DESI1: variants seen among roughly 807,000 people sequenced by gnomAD.
DESI1 encodes the protein PPPDE peptidase domain containing 2.
Under a neutral mutation model 22.4 loss-of-function variants are expected in DESI1, and 17 were observed. The observed-to-expected ratio is 0.76, with a 90% CI of 0.52 to 1.14. The LOEUF (loss-of-function observed/expected upper bound fraction) is 1.14. DESI1 is among the 50% of genes most tolerant of loss of function. The pLI, the probability that DESI1 is intolerant of heterozygous loss-of-function variation, is 0.00. For missense variants in DESI1, 177 were observed against 208.9 expected (o/e 0.85, Z 0.94); for synonymous variants, 92 against 84.2 (o/e 1.09, Z -0.51).
At chr22:41,612,644 G>A (rs1330365792) in intron 1 of DESI1, among the ~76,000 whole-genome samples, 1 of 150,764 alleles carries the variant, frequency 6.6e-6, no homozygotes, top group African/African-American at 2.4e-5. Flanking sequence ...TACTCAGGGT[G>A]GAGTGCAGTA....
In DESI1 at chr22:41,599,444, G is replaced by A. The variant is rs939562878; in HGVS notation, c.*1653C>T. On this transcript the variant is annotated 3_prime_UTR_variant, in exon 6 of 6. Coordinates refer to ENST00000263256, the MANE Select transcript of DESI1 (RefSeq NM_015704.3). ...AAAATGCCCACTCATGCCCCAACCT[G>A]CCTTTCTAAAGTCAGAATGACAATG... is the stretch of plus-strand genomic sequence containing the variant. The A allele has an allele frequency of 1.3e-5, 2 of 152,160 alleles. No homozygotes were observed. The highest frequency in any genetic ancestry group is 2.9e-5 in the Non-Finnish European group (2 of 68,028). 9.4% of individuals were successfully genotyped at this position (152,160 alleles called of 1,614,324 possible).
intron 1 of DESI1, among the ~76,000 whole-genome samples, chr22:41,614,602 T>TTTTTTTTTTTTTTG (rs1569070870): frequency 6.9e-6 from 1 of 145,936 alleles, no homozygotes; most frequent in Non-Finnish European, 1.5e-5. Context: ...TTTTTTTTTT[T>TTTTTTTTTTTTTTG]GAGATGGAGT....
rs1236580589 is a variant in DESI1 at position 41,614,889 on chromosome 22, TTTC to T, written c.88+5860_88+5862del. 6.0e-4 allele frequency among the ~76,000 whole-genome samples: 87 copies of T among 145,652 alleles called. 1 individual carries two copies. The highest frequency in any genetic ancestry group is 6.9e-3 in the Middle Eastern group (2 of 290). ...CATAAGCCACCTCACCCCACCTTGTTTTCTTCTTCTTTTTTTTTTTTTTAACAA... is the reference window on the plus strand; with the variant it reads ...CATAAGCCACCTCACCCCACCTTGTTTTCTTCTTTTTTTTTTTTTTAACAA... On this transcript the variant is annotated intron_variant, in intron 1 of 5. Coordinates refer to ENST00000263256, the MANE Select transcript of DESI1 (RefSeq NM_015704.3).
intron 4 of DESI1, among the ~76,000 whole-genome samples, chr22:41,603,748 G>C (rs147245964): frequency 1.1e-4 from 16 of 152,268 alleles, no homozygotes; most frequent in Non-Finnish European, 2.2e-4. Context: ...TTTTCCTTCT[G>C]CAAACTTGGC....
chr22:41,614,130 G>A lies in DESI1; in HGVS notation c.89-6269C>T, dbSNP rs549045275. 1.6e-3 allele frequency among the ~76,000 whole-genome samples: 241 copies of A among 151,896 alleles called. 2 individuals are homozygous for A. The highest frequency in any genetic ancestry group is 4.9e-3 in the African/African-American group (204 of 41,408). On this transcript the variant is annotated intron_variant, in intron 1 of 5. Transcript: ENST00000263256. ...TGGCTCACTACAACCCCCGCCTCCCGGGTTCAAGCAATTCTCCTGCCTCAG... is the reference window on the plus strand; with the variant it reads ...TGGCTCACTACAACCCCCGCCTCCCAGGTTCAAGCAATTCTCCTGCCTCAG...
chr22:41,601,283 G>A, intron 5 of DESI1, 93 bp from the exon 6 acceptor site: 2 of 1,196,478 alleles, frequency 1.7e-6, no homozygotes, highest in Non-Finnish European at 1.1e-6. Flanking sequence ...AGGAGGAGTG[G>A]GCGCTGGTGG....
chr22:41,612,295 G>C (rs960389116), intron 1 of DESI1, among the ~76,000 whole-genome samples: 4 of 151,970 alleles, frequency 2.6e-5, no homozygotes, highest in African/African-American at 9.7e-5. Context: ...GATCACCTGA[G>C]GTCAGGAGTT....
Position 41,620,996 on chromosome 22 carries a change from C to A in DESI1, c.-157G>T. 1.4e-6 allele frequency: 1 copy of A among 729,454 alleles called. No homozygotes were observed. Among genetic ancestry groups the A allele is most frequent in the Non-Finnish European group, 2.2e-6 (1 of 453,580 alleles). 45.2% of individuals were successfully genotyped at this position (729,454 alleles called of 1,614,324 possible). A position where few individuals can be genotyped will look rare whatever the true frequency, so the allele number is the denominator to read the frequency against. On this transcript the variant is annotated 5_prime_UTR_variant, in exon 1 of 6. Transcript: ENST00000263256. ...GGGAGAGGCCGCCCTGCGCTGCTCG[C>A]GCCCCCACACCCGCTACCGGCAACG...
In DESI1 at chr22:41,607,263, G is replaced by T; in HGVS notation, c.179C>A (p.Pro60Gln). 1 of 1,607,404 alleles carries T rather than the reference G, an allele frequency of 6.2e-7. No individual in the cohort carries two copies. The highest frequency in any genetic ancestry group is 8.5e-7 in the Non-Finnish European group (1 of 1,176,676). ...FGSGGISSCP[P>Q]GGTLLGPPDS... ...CAGAGTGTAGGGGAAGACACTCACC[G>T]GGGGGCAGCTGGAGATACCACCACT... The change falls in exon 3 of 6, where the codon CCG (proline) becomes CAG (glutamine). Residue 60 changes from proline to glutamine, a missense_variant and splice_region_variant. Pro to Gln is a moderately conservative substitution (Grantham distance 76). Transcript: ENST00000263256.
At chr22:41,614,895 C>CTT (rs201890285) in intron 1 of DESI1, among the ~76,000 whole-genome samples, 1 of 136,812 alleles carries the variant, frequency 7.3e-6, no homozygotes, top group African/African-American at 2.9e-5. Context: ...TTGTTTTCTT[C>CTT]TTCTTTTTTT....
Position 41,612,362 on chromosome 22 carries a change from A to T in DESI1, c.89-4501T>A, listed in dbSNP as rs564425410. Among the ~76,000 whole-genome samples the T allele has an allele frequency of 2.0e-5, 3 of 152,130 alleles. No homozygotes were observed. In the South Asian group the frequency reaches 6.2e-4, roughly 32 times the overall value. ...CATCTCTACTAAAAGTACAAAAATT[A>T]GCCAGGCATGGTGGCACACACCTGT... On this transcript the variant is annotated intron_variant, in intron 1 of 5. Coordinates refer to ENST00000263256, the MANE Select transcript of DESI1 (RefSeq NM_015704.3).
intron 1 of DESI1, among the ~76,000 whole-genome samples, chr22:41,618,527 T>A (rs1433527855): frequency 6.6e-6 from 1 of 152,196 alleles, no homozygotes; most frequent in Non-Finnish European, 1.5e-5. Context: ...GTTCATTATA[T>A]CAACCTCATT....
rs912345438 is a variant in DESI1, at chr22:41,598,832, C to T, written c.*2265G>A. ...CAGAAGAAACCCAGCCTCAGAAATT[C>T]TTTCTCTTTGGGCCCAATTCTGCTA... On this transcript the variant is annotated 3_prime_UTR_variant, in exon 6 of 6. Transcript: ENST00000263256. 6.6e-6 allele frequency: 1 copy of T among 152,372 alleles called. No individual in the cohort carries two copies. Among genetic ancestry groups the T allele is most frequent in the Non-Finnish European group, 1.5e-5 (1 of 68,142 alleles). 9.4% of individuals were successfully genotyped at this position (152,372 alleles called of 1,614,324 possible).
At chr22:41,607,202 G>A in intron 3 of DESI1, 60 bp downstream of exon 3, 1 of 1,459,466 alleles carries the variant, frequency 6.9e-7, no homozygotes, top group Non-Finnish European at 9.2e-7. Context: ...AAAGCTCCTG[G>A]TCTACAGGAG....
At chr22:41,620,524 C>A (rs1472055750) in intron 1 of DESI1, among the ~76,000 whole-genome samples, 1 of 152,180 alleles carries the variant, frequency 6.6e-6, no homozygotes, top group East Asian at 1.9e-4. Flanking sequence ...AGGCATGACT[C>A]CTCCATCCCT....
chr22:41,607,867 G>A lies in DESI1; in HGVS notation c.89-6C>T. 6.2e-7 allele frequency: 1 copy of A among 1,614,202 alleles called. No individual in the cohort carries two copies. Among genetic ancestry groups the A allele is most frequent in the Non-Finnish European group, 8.5e-7 (1 of 1,180,032 alleles). On this transcript the variant is annotated splice_polypyrimidine_tract_variant and splice_region_variant and intron_variant, in intron 1 of 5. Transcript: ENST00000263256. ...GATGCCTTCCAGTTGTTTCCCTGTG[G>A]AGAGAAGAAGAGATTTAGCCACTTG...
At chr22:41,607,478 TGATAAATACCACA>T in intron 2 of DESI1, 147 bp from the exon 3 acceptor site, 1 of 729,260 alleles carries the variant, frequency 1.4e-6, no homozygotes, top group Non-Finnish European at 2.2e-6. Flanking sequence ...GGTATGAATA[TGATAAATACCACA>T]GATCAGGGCT....
rs895379291 is a variant in DESI1, at chr22:41,620,934, AG to A, written c.-96del. ...CGACGGGAGTGCGAAGCGGAGGGAGAGGGGGGGACCGAGCCCGGGCCCGGGC... is the reference window on the plus strand; with the variant it reads ...CGACGGGAGTGCGAAGCGGAGGGAGAGGGGGGACCGAGCCCGGGCCCGGGC... On this transcript the variant is annotated 5_prime_UTR_variant, in exon 1 of 6. Transcript: ENST00000263256. 46 of 913,024 alleles carry A rather than the reference AG, an allele frequency of 5.0e-5. No homozygotes were observed. Among genetic ancestry groups the A allele is most frequent in the African/African-American group, 4.5e-4 (26 of 57,162 alleles). 56.6% of individuals were successfully genotyped at this position (913,024 alleles called of 1,614,324 possible).
At chr22:41,611,837 C>T (rs1455284172) in intron 1 of DESI1, among the ~76,000 whole-genome samples, 2 of 151,994 alleles carry the variant, frequency 1.3e-5, no homozygotes, top group South Asian at 2.1e-4. Flanking sequence ...GTGATCCGCC[C>T]GCCTCGGCCT....
Sources: allele counts gnomAD v4.1 joint callset (sites outside exome capture counted in the v4.1 genomes callset), GRCh38; gene constraint gnomAD v4.1.1; transcripts MANE v1.5; gene names NCBI Gene and HGNC (gene_info 2026-07-23, HGNC 2026-07-21).